FBXW2: variants seen among roughly 807,000 people sequenced by gnomAD.
FBXW2 encodes F-box and WD repeat domain containing 2.
FBXW2 carries 12 observed loss-of-function variants against 46.0 expected under a neutral mutation model. The ratio of observed to expected loss-of-function variants is 0.26; its 90% CI spans 0.17 to 0.42. The LOEUF is 0.42. FBXW2 is among the 10% of genes least tolerant of loss of function. The pLI is 1.00. For missense variants in FBXW2, 360 were observed against 537.0 expected (o/e 0.67, Z 3.26); for synonymous variants, 203 against 209.6 (o/e 0.97, Z 0.27).
At chr9:120,772,485 T>C (rs1364730171) in intron 6 of FBXW2, among the ~76,000 whole-genome samples, 5 of 104,010 alleles carry the variant, frequency 4.8e-5, no homozygotes, top group East Asian at 2.8e-4. Context: ...AGAGCGAGAC[T>C]GTCTCAAAAA....
chr9:120,787,633 C>T, intron 3 of FBXW2, 136 bp downstream of exon 3: 2 of 842,964 alleles, frequency 2.4e-6, no homozygotes, highest in African/African-American at 1.7e-5. Flanking sequence ...GGGAACCACT[C>T]AGGATTAGAG....
Position 120,757,351 on chromosome 9 carries a change from C to T in FBXW2, c.*7208G>A, listed in dbSNP as rs776966482. ...TGTATGCACTCTTCTGTACCTGTAA[C>T]AGAAAATACTAAGAAAAAATTCCAC... is the stretch of plus-strand genomic sequence containing the variant. On this transcript the variant is annotated 3_prime_UTR_variant, in exon 8 of 8. Coordinates refer to ENST00000608872, the MANE Select transcript of FBXW2 (RefSeq NM_012164.4). 6.6e-6 allele frequency: 1 copy of T among 152,156 alleles called. No individual in the cohort carries two copies. The highest frequency in any genetic ancestry group is 6.6e-5 in the Admixed American group (1 of 15,266). The allele number at this position is 152,156 out of a possible 1,614,324, so 9.4% of individuals were successfully genotyped here.
At chr9:120,771,298 A>C in intron 7 of FBXW2, 50 bp downstream of exon 7, 1 of 1,541,034 alleles carries the variant, frequency 6.5e-7, no homozygotes, top group Non-Finnish European at 8.8e-7. Context: ...TTTACTACTG[A>C]ACTGCAGCAG....
chr9:120,787,370 TG>T (rs2044745275), intron 3 of FBXW2, among the ~76,000 whole-genome samples: 1 of 152,200 alleles, frequency 6.6e-6, no homozygotes, highest in Non-Finnish European at 1.5e-5. Context: ...TTAAGTAATT[TG>T]GCCATAATGA....
chr9:120,789,366 A>C (rs1369010507), intron 2 of FBXW2, among the ~76,000 whole-genome samples: 1 of 152,202 alleles, frequency 6.6e-6, no homozygotes, highest in East Asian at 1.9e-4. Context: ...TAACTGTAAC[A>C]AATAATTTTT....
chr9:120,771,310 C>A (rs1223012465), intron 7 of FBXW2, 38 bp downstream of exon 7: 1 of 1,569,544 alleles, frequency 6.4e-7, no homozygotes, highest in Admixed American at 1.9e-5. Flanking sequence ...CTGCAGCAGG[C>A]TTTCAAAGGT....
chr9:120,781,252 T>C (rs1166542170), intron 3 of FBXW2, among the ~76,000 whole-genome samples: 2 of 152,202 alleles, frequency 1.3e-5, no homozygotes, highest in East Asian at 3.8e-4. Context: ...GGTATATACC[T>C]ATTAAAGCAA....
At chr9:120,777,132 T>C (rs1319649633) in intron 4 of FBXW2, among the ~76,000 whole-genome samples, 1 of 152,160 alleles carries the variant, frequency 6.6e-6, no homozygotes, top group African/African-American at 2.4e-5. Context: ...GCAACAGTAA[T>C]AAAAATTTTT....
rs2044146135 is a variant in FBXW2 at position 120,757,646 on chromosome 9, T to A, written c.*6913A>T. 6.6e-6 allele frequency: 1 copy of A among 152,166 alleles called. No homozygotes were observed. The highest frequency in any genetic ancestry group is 2.4e-5 in the African/African-American group (1 of 41,442). 9.4% of individuals were successfully genotyped at this position (152,166 alleles called of 1,614,324 possible). A position where few individuals can be genotyped will look rare whatever the true frequency, so the allele number is the denominator to read the frequency against. On this transcript the variant is annotated 3_prime_UTR_variant, in exon 8 of 8. Transcript: ENST00000608872. ...TGTGCATAAGGATTAGAAGAGAGTA[T>A]TAAAAATCGTAATGATAAAGGAGCT...
chr9:120,770,789 T>A (rs1466800609), intron 7 of FBXW2, among the ~76,000 whole-genome samples: 2 of 152,174 alleles, frequency 1.3e-5, no homozygotes, highest in African/African-American at 4.8e-5. Context: ...TGCTAACAGA[T>A]ACTGTCCTTC....
chr9:120,768,660 A>G (rs1383256981), intron 7 of FBXW2, among the ~76,000 whole-genome samples: 1 of 152,106 alleles, frequency 6.6e-6, no homozygotes, highest in Non-Finnish European at 1.5e-5. Context: ...ATCGCTACTA[A>G]AAATACACAA....
chr9:120,785,281 A>G (rs1377001116), intron 3 of FBXW2, among the ~76,000 whole-genome samples: 1 of 152,070 alleles, frequency 6.6e-6, no homozygotes, highest in Admixed American at 6.5e-5. Context: ...AAGTGTTGGG[A>G]CTACAGGCAT....
chr9:120,775,405 T>C (rs2044471605), intron 5 of FBXW2, among the ~76,000 whole-genome samples: 1 of 152,212 alleles, frequency 6.6e-6, no homozygotes, highest in Non-Finnish European at 1.5e-5. Flanking sequence ...TTTGAAATGA[T>C]ATATTTACCC....
intron 3 of FBXW2, among the ~76,000 whole-genome samples, chr9:120,780,572 G>T (rs1001077534): frequency 2.0e-5 from 3 of 152,144 alleles, no homozygotes; most frequent in South Asian, 2.1e-4. Flanking sequence ...CTGTACCGGA[G>T]AGCGTAAGCC....
In FBXW2 at chr9:120,762,845, T is replaced by C. The variant is rs763748610; in HGVS notation, c.*1714A>G. 1.3e-5 allele frequency: 2 copies of C among 152,342 alleles called. No individual in the cohort carries two copies. The highest frequency in any genetic ancestry group is 4.8e-5 in the African/African-American group (2 of 41,580). The allele number at this position is 152,342 out of a possible 1,614,324, so 9.4% of individuals were successfully genotyped here. On this transcript the variant is annotated 3_prime_UTR_variant, in exon 8 of 8. Coordinates refer to ENST00000608872, the MANE Select transcript of FBXW2 (RefSeq NM_012164.4). ...TGTTCATCTTCAAACTACCTTCCTATTGGTCTGTGAATGAAATACATCCCT... is the reference window on the plus strand; with the variant it reads ...TGTTCATCTTCAAACTACCTTCCTACTGGTCTGTGAATGAAATACATCCCT...
chr9:120,784,375 G>C (rs2044675413), intron 3 of FBXW2, among the ~76,000 whole-genome samples: 1 of 152,258 alleles, frequency 6.6e-6, no homozygotes, highest in Non-Finnish European at 1.5e-5. Flanking sequence ...ATTTTGGGAG[G>C]CTGAGACGGG....
At position 120,788,089 on chromosome 9, in the gene FBXW2, AG is replaced by A; in HGVS notation, c.169del (p.Leu57SerfsTer13). 6.2e-7 allele frequency: 1 copy of A among 1,614,194 alleles called. No individual in the cohort carries two copies. Among genetic ancestry groups the A allele is most frequent in the African/African-American group, 1.3e-5 (1 of 75,046 alleles). The stretch of plus-strand genomic sequence containing the variant: ...ACTGAGCTCCAGGGGAAGGAGTTTG[AG>A]GAAGTCCCGCTTGAGGAGAGTCTCT... ...NLETLLKRDF[L>X]KLLPLELSFY... On this transcript the variant is annotated frameshift_variant, in exon 3 of 8. Transcript: ENST00000608872. LOFTEE classifies it high-confidence loss of function.
intron 2 of FBXW2, among the ~76,000 whole-genome samples, chr9:120,791,407 T>C (rs1394449284): frequency 3.9e-5 from 6 of 152,226 alleles, no homozygotes; most frequent in Non-Finnish European, 5.9e-5. Flanking sequence ...ATTCAGCCAC[T>C]TCCTATGTGA....
rs1273913620 is a variant in FBXW2 at position 120,764,514 on chromosome 9, G to A, written c.*45C>T. 17 of 1,581,800 alleles carry A rather than the reference G, an allele frequency of 1.1e-5. No individual in the cohort carries two copies. Among genetic ancestry groups the A allele is most frequent in the Admixed American group, 3.5e-5 (2 of 57,704 alleles). The stretch of plus-strand genomic sequence containing the variant: ...GCCGCAGAGGTTGCACCCAAAACCC[G>A]CAGCCCCGGCACCCAAAGTCAGTCA... On this transcript the variant is annotated 3_prime_UTR_variant, in exon 8 of 8. Transcript: ENST00000608872.
Sources: gnomAD v4.1 joint callset for allele counts (sites outside exome capture counted in the v4.1 genomes callset) on GRCh38, gnomAD v4.1.1 for gene constraint, MANE v1.5 for transcripts, NCBI Gene and HGNC (gene_info 2026-07-23, HGNC 2026-07-21) for gene names.